PHACTR2: variants seen among roughly 807,000 people sequenced by gnomAD.
PHACTR2 encodes chromosome 6 open reading frame 56.
Under a neutral mutation model 76.0 loss-of-function variants are expected in PHACTR2, and 30 were observed. The ratio of observed to expected loss-of-function variants is 0.39; its 90% confidence interval spans 0.30 to 0.54. The LOEUF (loss-of-function observed/expected upper bound fraction) is 0.54. Among genes scored for constraint, PHACTR2 ranks in the 20% least tolerant of loss-of-function variants. The pLI is 0.61. For missense variants in PHACTR2, 696 were observed against 781.1 expected (o/e 0.89, Z 1.30); for synonymous variants, 292 against 292.5 (o/e 1.00, Z 0.02).
intron 1 of PHACTR2, among the ~76,000 whole-genome samples, chr6:143,575,002 A>T (rs1230016756): frequency 6.6e-6 from 1 of 152,232 alleles, no homozygotes; most frequent in Non-Finnish European, 1.5e-5. Flanking sequence ...GGCAGATTAG[A>T]TTTCTCAGTA....
In PHACTR2 at chr6:143,639,779, A is replaced by G. The variant is rs961824842; in HGVS notation, c.13+31457A>G. Among the ~76,000 whole-genome samples the G allele has an allele frequency of 1.4e-4, 21 of 152,216 alleles. No homozygotes were observed. Among genetic ancestry groups the G allele is most frequent in the African/African-American group, 4.8e-4 (20 of 41,456 alleles). On this transcript the variant is annotated intron_variant, in intron 1 of 11. Coordinates refer to the PHACTR2 transcript ENST00000305766. This position sits in a 1 kb window ranked among gnomAD's most constrained non-coding sequence, Gnocchi z 5.0. ...TATGAAACATACACAAATATTGACT[A>G]TTTACACAGTCACAAAAGAAGTTTT...
At chr6:143,584,220 G>A (rs957642202) in intron 1 of PHACTR2, among the ~76,000 whole-genome samples, 1 of 152,192 alleles carries the variant, frequency 6.6e-6, no homozygotes, top group African/African-American at 2.4e-5. Context: ...TGGGGCTGTG[G>A]TTGTACTTTT....
At position 143,739,102 on chromosome 6, in the gene PHACTR2, G is replaced by T. The variant is rs1778883367; in HGVS notation, c.215-9883G>T. Among the ~76,000 whole-genome samples the T allele has an allele frequency of 6.6e-6, 1 of 152,032 alleles. No homozygotes were observed. The highest frequency in any genetic ancestry group is 2.4e-5 in the African/African-American group (1 of 41,390). ...TATTTTTGAGACGGAGTCTCTCTCTGTCCCGAGGCTGGAGTGCAGTGGCAC... is the reference window on the plus strand; with the variant it reads ...TATTTTTGAGACGGAGTCTCTCTCTTTCCCGAGGCTGGAGTGCAGTGGCAC... On this transcript the variant is annotated intron_variant, in intron 2 of 12. Transcript: ENST00000440869. The surrounding 1 kb of genome is among the most constrained non-coding windows in gnomAD (Gnocchi z 4.3).
At position 143,619,845 on chromosome 6, in the gene PHACTR2, A is replaced by G. The variant is rs1776120894; in HGVS notation, c.13+11523A>G. ...CCAGTCCCAAACTTTGACAGCGGTCAGTATGGTATAAAGAGTGAAAATATC... is the reference window on the plus strand; with the variant it reads ...CCAGTCCCAAACTTTGACAGCGGTCGGTATGGTATAAAGAGTGAAAATATC... On this transcript the variant is annotated intron_variant, in intron 1 of 11. Transcript: ENST00000305766. The surrounding 1 kb of genome is among the most constrained non-coding windows in gnomAD (Gnocchi z 4.5). Among the ~76,000 whole-genome samples, 1 of 152,192 alleles carries G rather than the reference A, an allele frequency of 6.6e-6. No homozygotes were observed.
At position 143,698,983 on chromosome 6, in the gene PHACTR2, T is replaced by C. The variant is rs578037423; in HGVS notation, c.47-13033T>C. Among the ~76,000 whole-genome samples, 4 of 152,300 alleles carry C rather than the reference T, an allele frequency of 2.6e-5. No homozygotes were observed. In the East Asian group the frequency reaches 7.7e-4, roughly 29 times the overall value. The stretch of plus-strand genomic sequence containing the variant: ...TGGCTCTGTTGTCCTTTACCTCTCC[T>C]ATCACAGGGGGCGCTGACATTGCAT... On this transcript the variant is annotated intron_variant, in intron 1 of 12. Transcript: ENST00000440869. This position sits in a 1 kb window ranked among gnomAD's most constrained non-coding sequence, Gnocchi z 4.3.
In PHACTR2 at chr6:143,751,824, A is replaced by ACACACACACACG. The variant is rs1467773348; in HGVS notation, c.296-1929_296-1928insACACACACACGC. 6.6e-6 allele frequency among the ~76,000 whole-genome samples: 1 copy of ACACACACACACG among 150,478 alleles called. No individual in the cohort carries two copies. The highest frequency in any genetic ancestry group is 1.5e-5 in the Non-Finnish European group (1 of 67,614). The stretch of plus-strand genomic sequence containing the variant: ...CACACACACACACACACACACACAC[A>ACACACACACACG]CTATATCAAGGATTTAACTTATTTT... On this transcript the variant is annotated intron_variant, in intron 3 of 12. Coordinates refer to ENST00000440869, the MANE Select transcript of PHACTR2 (RefSeq NM_001100164.2). This position sits in a 1 kb window ranked among gnomAD's most constrained non-coding sequence, Gnocchi z 5.7.
chr6:143,794,332 T>C lies in PHACTR2; in HGVS notation c.1845+5422T>C, dbSNP rs978825655. On this transcript the variant is annotated intron_variant, in intron 11 of 12. Transcript: ENST00000440869. The surrounding 1 kb of genome is among the most constrained non-coding windows in gnomAD (Gnocchi z 4.1). ...CCTTAAAACATTTTATAATATATTATTTATTATATATATTTAGATCAGATT... is the reference window on the plus strand; with the variant it reads ...CCTTAAAACATTTTATAATATATTACTTATTATATATATTTAGATCAGATT... Among the ~76,000 whole-genome samples, 3 of 150,690 alleles carry C rather than the reference T, an allele frequency of 2.0e-5. No individual in the cohort carries two copies. Among genetic ancestry groups the C allele is most frequent in the Admixed American group, 1.3e-4 (2 of 15,120 alleles).
Position 143,617,911 on chromosome 6 carries a change from G to C in PHACTR2, c.13+9589G>C, listed in dbSNP as rs1401016447. 6.6e-6 allele frequency among the ~76,000 whole-genome samples: 1 copy of C among 152,154 alleles called. No homozygotes were observed. Among genetic ancestry groups the C allele is most frequent in the Non-Finnish European group, 1.5e-5 (1 of 68,028 alleles). On this transcript the variant is annotated intron_variant, in intron 1 of 11. Coordinates refer to the PHACTR2 transcript ENST00000305766. This position sits in a 1 kb window ranked among gnomAD's most constrained non-coding sequence, Gnocchi z 4.8. ...AGTCACCTACTTCCTAATCAGGAAG[G>C]TTGGTTTCTTTTCCAACATCTTAGA...
rs940172594 is a variant in PHACTR2 at position 143,591,842 on chromosome 6, T to C, written c.217+54635T>C. On this transcript the variant is annotated intron_variant, in intron 1 of 11. Transcript: ENST00000367584. The surrounding 1 kb of genome is among the most constrained non-coding windows in gnomAD (Gnocchi z 6.4). ...TTTCCTATGCCATGTTTTGGTTACT[T>C]TGGGCCCTAGAATTCCTGGCTCAAA... Among the ~76,000 whole-genome samples, 8 of 152,224 alleles carry C rather than the reference T, an allele frequency of 5.3e-5. No homozygotes were observed. The highest frequency in any genetic ancestry group is 8.8e-5 in the Non-Finnish European group (6 of 68,030).
In PHACTR2 at chr6:143,647,277, G is replaced by A. The variant is rs544533681; in HGVS notation, c.13+38955G>A. ...AGATGAGGAAACCAAGACTCTGAAA[G>A]CTAAAAAGCTTGCTAAAGTCACGTG... On this transcript the variant is annotated intron_variant, in intron 1 of 11. Coordinates refer to the PHACTR2 transcript ENST00000305766. The surrounding 1 kb of genome is among the most constrained non-coding windows in gnomAD (Gnocchi z 4.2). Among the ~76,000 whole-genome samples, 2 of 152,268 alleles carry A rather than the reference G, an allele frequency of 1.3e-5. No homozygotes were observed. The highest frequency in any genetic ancestry group is 4.8e-5 in the African/African-American group (2 of 41,552).
intron 11 of PHACTR2, among the ~76,000 whole-genome samples, chr6:143,802,479 ATT>A (rs201154160): frequency 3.9e-4 from 57 of 145,120 alleles, no homozygotes; most frequent in South Asian, 1.1e-3. Context: ...ATCTCCACAA[ATT>A]TTTTTTTTTT....
At chr6:143,726,947 G>A (rs1778587155) in intron 2 of PHACTR2, among the ~76,000 whole-genome samples, 1 of 152,020 alleles carries the variant, frequency 6.6e-6, no homozygotes, top group African/African-American at 2.4e-5. Flanking sequence ...CTACCATTGG[G>A]GACATTTCAA....
intron 1 of PHACTR2, among the ~76,000 whole-genome samples, chr6:143,567,091 G>A (rs1311373088): frequency 1.3e-5 from 2 of 152,088 alleles, no homozygotes; most frequent in East Asian, 1.9e-4. Flanking sequence ...TCCTTTCTGT[G>A]TCTTTCCCAG....
rs1775635811 is a variant in PHACTR2, at chr6:143,789,810, G to A, written c.1845+900G>A. ...ACCTGCTATGCATCAAGCATATACT[G>A]GAGATACAGATTCAGAAATCCTTAG... On this transcript the variant is annotated intron_variant, in intron 11 of 12. Transcript: ENST00000440869. This position sits in a 1 kb window ranked among gnomAD's most constrained non-coding sequence, Gnocchi z 5.1. Among the ~76,000 whole-genome samples the A allele has an allele frequency of 6.6e-6, 1 of 152,060 alleles. No individual in the cohort carries two copies. Among genetic ancestry groups the A allele is most frequent in the African/African-American group, 2.4e-5 (1 of 41,396 alleles).
chr6:143,723,955 C>G (rs1053366238), intron 2 of PHACTR2, among the ~76,000 whole-genome samples: 3 of 151,502 alleles, frequency 2.0e-5, no homozygotes, highest in African/African-American at 7.3e-5. Context: ...CCGTTTTTTT[C>G]TTTTTTCTTT....
Position 143,803,911 on chromosome 6 carries a change from G to A in PHACTR2, c.1846-3146G>A, listed in dbSNP as rs564526818. Among the ~76,000 whole-genome samples, 20 of 152,304 alleles carry A rather than the reference G, an allele frequency of 1.3e-4. No individual in the cohort carries two copies. In the South Asian group the frequency reaches 3.7e-3, roughly 28 times the overall value. ...ACAACTGCAGCCGTTAGTGTTGCCA[G>A]GCAAATATTCTCAGGGCAAACAGGA... On this transcript the variant is annotated intron_variant, in intron 11 of 12. Coordinates refer to ENST00000440869, the MANE Select transcript of PHACTR2 (RefSeq NM_001100164.2). This position sits in a 1 kb window ranked among gnomAD's most constrained non-coding sequence, Gnocchi z 4.7.
At chr6:143,655,845 T>A (rs1002378777) in intron 1 of PHACTR2, among the ~76,000 whole-genome samples, 11 of 152,230 alleles carry the variant, frequency 7.2e-5, no homozygotes, top group Non-Finnish European at 2.9e-5. Context: ...AGTTTCTGAG[T>A]CAAACCTGTC....
rs1393961519 is a variant in PHACTR2 at position 143,596,869 on chromosome 6, A to C, written c.217+59662A>C. On this transcript the variant is annotated intron_variant, in intron 1 of 11. Coordinates refer to the PHACTR2 transcript ENST00000367584. This position sits in a 1 kb window ranked among gnomAD's most constrained non-coding sequence, Gnocchi z 4.6. ...AATAAAAATAAAAATAAAAAGAATC[A>C]TGGCGTCCAACTCTGGGGCTGTTGC... 1.3e-5 allele frequency among the ~76,000 whole-genome samples: 2 copies of C among 152,100 alleles called. No individual in the cohort carries two copies. Among genetic ancestry groups the C allele is most frequent in the African/African-American group, 4.8e-5 (2 of 41,414 alleles).
intron 1 of PHACTR2, among the ~76,000 whole-genome samples, chr6:143,568,728 T>C (rs1260332420): frequency 6.6e-6 from 1 of 152,236 alleles, no homozygotes; most frequent in Non-Finnish European, 1.5e-5. Context: ...TGTATTTTGA[T>C]TTTTAGAATG....
Sources: gnomAD v4.1 joint callset for allele counts (sites outside exome capture counted in the v4.1 genomes callset) on GRCh38, gnomAD v4.1.1 for gene constraint, Gnocchi (gnomAD v3.1) non-coding constraint, MANE v1.5 for transcripts, NCBI Gene and HGNC (gene_info 2026-07-23, HGNC 2026-07-21) for gene names.